The following NUTF2 variants were observed in gnomAD, a reference collection of about 807,000 sequenced individuals.
NUTF2 encodes the protein nuclear transport factor 2.
In NUTF2, 3 loss-of-function variants were observed where a neutral mutation model predicts 18.5. The ratio of observed to expected loss-of-function variants is 0.16; its 90% CI spans 0.07 to 0.42. The LOEUF (loss-of-function observed/expected upper bound fraction) is 0.42, where lower values mean the gene tolerates loss of function less well. NUTF2 is among the 10% of genes least tolerant of loss of function. NUTF2 has a pLI of 0.99. For missense variants in NUTF2, 44 were observed against 160.7 expected, an observed-to-expected ratio of 0.27 and a Z score of 3.93; for synonymous variants, 51 against 57.9, an observed-to-expected ratio of 0.88 and a Z score of 0.54.
chr16:67,860,547 A>C (rs1345776292), intron 1 of NUTF2, among the ~76,000 whole-genome samples: 1 of 152,254 alleles, frequency 6.6e-6, no homozygotes, highest in African/African-American at 2.4e-5. Flanking sequence ...CTGAGATTAC[A>C]GATGTGAGCT....
At chr16:67,866,028 T>G (rs1328510555) in intron 2 of NUTF2, among the ~76,000 whole-genome samples, 1 of 152,148 alleles carries the variant, frequency 6.6e-6, no homozygotes, top group Non-Finnish European at 1.5e-5. Flanking sequence ...TTTGCTGCTC[T>G]TTTAACGATG....
At chr16:67,858,051 G>A (rs2057909343) in intron 1 of NUTF2, among the ~76,000 whole-genome samples, 2 of 152,230 alleles carry the variant, frequency 1.3e-5, no homozygotes, top group Admixed American at 1.3e-4. Context: ...ATGACTAGGG[G>A]TGCTTTGTCA....
chr16:67,847,412 C>G (rs2057812870), intron 1 of NUTF2: 1 of 152,306 alleles, frequency 6.6e-6, no homozygotes, highest in Admixed American at 6.5e-5. Context: ...TACGAAGGAT[C>G]CGGGGATGGG....
chr16:67,852,303 C>CA (rs35082713), intron 1 of NUTF2, among the ~76,000 whole-genome samples: 8 of 149,122 alleles, frequency 5.4e-5, no homozygotes, highest in Non-Finnish European at 7.4e-5. Context: ...ACCCTGTCTC[C>CA]AAAAAAAAGG....
At chr16:67,864,163 C>G (rs2057952864) in intron 1 of NUTF2, among the ~76,000 whole-genome samples, 1 of 152,136 alleles carries the variant, frequency 6.6e-6, no homozygotes, top group South Asian at 2.1e-4. Flanking sequence ...CACCTGGCCT[C>G]GGGGAAGTAA....
intron 1 of NUTF2, among the ~76,000 whole-genome samples, chr16:67,848,308 C>T (rs971214255): frequency 6.6e-6 from 1 of 152,148 alleles, no homozygotes; most frequent in East Asian, 1.9e-4. Context: ...TCAGGCCTGG[C>T]GCGGTGGCTC....
At chr16:67,864,852 A>G (rs957088503) in intron 1 of NUTF2, among the ~76,000 whole-genome samples, 1 of 151,884 alleles carries the variant, frequency 6.6e-6, no homozygotes, top group African/African-American at 2.4e-5. Context: ...GTGCTCCACG[A>G]CCCTATCATC....
At chr16:67,852,332 A>G (rs1027660888) in intron 1 of NUTF2, among the ~76,000 whole-genome samples, 6 of 151,824 alleles carry the variant, frequency 4.0e-5, no homozygotes, top group Admixed American at 3.9e-4. Context: ...CCCTTAACAA[A>G]ACACTATTAT....
At chr16:67,852,559 T>C (rs1256140685) in intron 1 of NUTF2, among the ~76,000 whole-genome samples, 1 of 152,190 alleles carries the variant, frequency 6.6e-6, no homozygotes, top group Non-Finnish European at 1.5e-5. Flanking sequence ...GGTTTTGCCA[T>C]GTTGGCCAGG....
chr16:67,857,365 G>A (rs1403265968), intron 1 of NUTF2, among the ~76,000 whole-genome samples: 1 of 152,142 alleles, frequency 6.6e-6, no homozygotes, highest in Non-Finnish European at 1.5e-5. Context: ...AGGAGGAAGG[G>A]GCCCTTAGGG....
At chr16:67,851,188 G>C (rs2057854313) in intron 1 of NUTF2, among the ~76,000 whole-genome samples, 1 of 151,996 alleles carries the variant, frequency 6.6e-6, no homozygotes. Context: ...TTACTTAAGA[G>C]AGACACAGAA....
At position 67,871,490 on chromosome 16, in the gene NUTF2, TTC is replaced by T. The variant is rs2058012891; in HGVS notation, c.*582_*583del. On this transcript the variant is annotated 3_prime_UTR_variant, in exon 5 of 5. Transcript: ENST00000219169. ...GCCTCTCAGAAGCCGTGTAGGGCAG[TTC>T]TCTCCCACTCCACAGGGCGACTGGT... 1 of 152,252 alleles carries T rather than the reference TTC, an allele frequency of 6.6e-6. No homozygotes were observed. The allele number at this position is 152,252 out of a possible 1,614,324, so 9.4% of individuals were successfully genotyped here.
rs1424665755 is a variant in NUTF2, at chr16:67,872,551, AAAG to A, written c.*1644_*1646del. The stretch of plus-strand genomic sequence containing the variant: ...TACCTGTGCCTGAACTGTCTGCAAT[AAAG>A]AAGAATTTGTAAACTGTGGTTTCTT... On this transcript the variant is annotated 3_prime_UTR_variant, in exon 5 of 5. Coordinates refer to ENST00000219169, the MANE Select transcript of NUTF2 (RefSeq NM_005796.3). The A allele has an allele frequency of 1.3e-5, 2 of 152,262 alleles. No individual in the cohort carries two copies. Among genetic ancestry groups the A allele is most frequent in the Non-Finnish European group, 1.5e-5 (1 of 68,050 alleles). The allele number at this position is 152,262 out of a possible 1,614,324, so 9.4% of individuals were successfully genotyped here.
chr16:67,850,856 A>G (rs1487603667), intron 1 of NUTF2, among the ~76,000 whole-genome samples: 1 of 151,884 alleles, frequency 6.6e-6, no homozygotes, highest in Non-Finnish European at 1.5e-5. Flanking sequence ...GCTGGAGTGC[A>G]GTGGTGCAAT....
At position 67,868,405 on chromosome 16, in the gene NUTF2, G is replaced by A. The variant is rs987034806; in HGVS notation, c.165G>A (p.Lys55=). The change falls in exon 3 of 5, where the codon AAG becomes AAA. Residue 55 remains lysine, a synonymous_variant. Coordinates refer to ENST00000219169, the MANE Select transcript of NUTF2 (RefSeq NM_005796.3). ...AGGGGAAAGCTGCCATTGTGGAGAA[G>A]TTGTCTGTAAGTAGGGAAGAAAGCC... The part of the protein sequence containing the change: ...QFQGKAAIVE[K]LSSLPFQKIQ... 6.2e-7 allele frequency: 1 copy of A among 1,614,060 alleles called. No homozygotes were observed. The highest frequency in any genetic ancestry group is 8.5e-7 in the Non-Finnish European group (1 of 1,180,036).
intron 1 of NUTF2, among the ~76,000 whole-genome samples, chr16:67,851,170 G>T (rs2057854096): frequency 6.6e-6 from 1 of 151,944 alleles, no homozygotes; most frequent in Non-Finnish European, 1.5e-5. Context: ...GGTTTGGGAG[G>T]GGAATAATTA....
intron 1 of NUTF2, among the ~76,000 whole-genome samples, chr16:67,854,293 G>A (rs1189565497): frequency 2.0e-5 from 3 of 152,154 alleles, no homozygotes; most frequent in African/African-American, 4.8e-5. Flanking sequence ...ATGGGTTTGT[G>A]GCTTCTCCTC....
At chr16:67,862,325 TG>T (rs1277775899) in intron 1 of NUTF2, among the ~76,000 whole-genome samples, 1 of 152,156 alleles carries the variant, frequency 6.6e-6, no homozygotes, top group Non-Finnish European at 1.5e-5. Context: ...GATCACTACT[TG>T]GAAATAAACA....
rs2058007946 is a variant in NUTF2, at chr16:67,871,040, C to T, written c.*127C>T. 3 of 661,520 alleles carry T rather than the reference C, an allele frequency of 4.5e-6. No homozygotes were observed. Among genetic ancestry groups the T allele is most frequent in the Middle Eastern group, 3.0e-4 (1 of 3,334 alleles). The allele number at this position is 661,520 out of a possible 1,614,324, so 41.0% of individuals were successfully genotyped here. On this transcript the variant is annotated 3_prime_UTR_variant, in exon 5 of 5. Transcript: ENST00000219169. ...GGCCGCGGTGGGAGTGGGCGCAGTG[C>T]GCTGCTGCCACTGAGGTGTTGTGCA...
Sources: gnomAD v4.1 joint callset for allele counts (sites outside exome capture counted in the v4.1 genomes callset) on GRCh38, gnomAD v4.1.1 for gene constraint, MANE v1.5 for transcripts, NCBI Gene and HGNC (gene_info 2026-07-23, HGNC 2026-07-21) for gene names.